The following GNG7 variants were observed in gnomAD, a reference collection of about 807,000 sequenced individuals.
GNG7 encodes the protein G protein subunit gamma 7.
A neutral mutation model predicts 4.0 loss-of-function variants in GNG7; 1 was observed. That is an observed-to-expected ratio of 0.25 (90% CI 0.09 to 1.18). The LOEUF is 1.18. GNG7 is among the 50% of genes most tolerant of loss of function. The probability of loss-of-function intolerance (pLI) is 0.50; values close to 1 mark genes in which losing one functional copy is unlikely to be tolerated. For synonymous variants in GNG7, 34 were observed against 36.9 expected (o/e 0.92, Z 0.29); for missense variants, 86 against 91.9 (o/e 0.94, Z 0.26).
In GNG7 at chr19:2,532,758, C is replaced by T. The variant is rs541854978; in HGVS notation, c.-37-12033G>A. ...GTCATCAAGAGAGACTGCCTCTCAA[C>T]CACTAGAGTGGCAAAAATTTAAAAG... On this transcript the variant is annotated intron_variant, in intron 3 of 4. Coordinates refer to ENST00000382159, the MANE Select transcript of GNG7 (RefSeq NM_052847.3). Among the ~76,000 whole-genome samples the T allele has an allele frequency of 3.9e-5, 6 of 152,234 alleles. No individual in the cohort carries two copies. In the South Asian group the frequency reaches 6.2e-4, roughly 16 times the overall value.
At chr19:2,526,898 T>G (rs934529881) in intron 3 of GNG7, among the ~76,000 whole-genome samples, 5 of 151,464 alleles carry the variant, frequency 3.3e-5, no homozygotes, top group African/African-American at 1.2e-4. Context: ...CAGGCTGGAG[T>G]GCAGTGGCAC....
chr19:2,549,293 GTT>G (rs11439149), intron 3 of GNG7, among the ~76,000 whole-genome samples: 1 of 144,620 alleles, frequency 6.9e-6, no homozygotes. Context: ...ACAGGGCTGT[GTT>G]TTTTTTTTTT....
At chr19:2,570,896 C>T (rs1456038196) in intron 2 of GNG7, among the ~76,000 whole-genome samples, 2 of 152,136 alleles carry the variant, frequency 1.3e-5, no homozygotes, top group Non-Finnish European at 2.9e-5. Flanking sequence ...CTCCTGAGCT[C>T]AACCGATCCT....
At chr19:2,567,387 C>T (rs1053504110) in intron 2 of GNG7, among the ~76,000 whole-genome samples, 2 of 146,276 alleles carry the variant, frequency 1.4e-5, no homozygotes, top group African/African-American at 5.3e-5. Context: ...GGCTGGAGTG[C>T]CCGTGGTGCA....
intron 1 of GNG7, among the ~76,000 whole-genome samples, chr19:2,675,193 C>T (rs940466814): frequency 7.2e-5 from 11 of 152,304 alleles, no homozygotes; most frequent in South Asian, 4.1e-4. Context: ...ATCACGTTCT[C>T]GGAGACGGAT....
chr19:2,651,317 C>T (rs1599442490), intron 1 of GNG7, among the ~76,000 whole-genome samples: 1 of 71,468 alleles, frequency 1.4e-5, no homozygotes, highest in Admixed American at 1.4e-4. Flanking sequence ...CTCCATCCCT[C>T]CCTCCCTCCC....
In GNG7 at chr19:2,592,814, AAGAGAGAG is replaced by A. The variant is rs144538545; in HGVS notation, c.-77-37634_-77-37627del. Among the ~76,000 whole-genome samples the A allele has an allele frequency of 6.4e-5, 7 of 109,522 alleles. 1 individual carries two copies. Among genetic ancestry groups the A allele is most frequent in the South Asian group, 7.0e-4 (2 of 2,870 alleles). The allele number at this position is 109,522 out of a possible 152,430, so 71.9% of individuals were successfully genotyped here. ...GAGGGAAGAGAGAAAGAAAGAAAGA[AAGAGAGAG>A]AGAGAGAGGGAGGGAGGGAGAGAGG... On this transcript the variant is annotated intron_variant, in intron 2 of 4. Transcript: ENST00000382159.
rs1981679260 is a variant in GNG7 at position 2,614,993 on chromosome 19, T to C, written c.-78+31231A>G. On this transcript the variant is annotated intron_variant, in intron 2 of 4. Coordinates refer to ENST00000382159, the MANE Select transcript of GNG7 (RefSeq NM_052847.3). The surrounding 1 kb of genome is among the most constrained non-coding windows in gnomAD (Gnocchi z 6.0). The stretch of plus-strand genomic sequence containing the variant: ...ATTGTTGAAGGTCACCCCGTAGCCA[T>C]TGGCAGAGCCAGAACTTGCAGCTGT... 1.3e-5 allele frequency among the ~76,000 whole-genome samples: 2 copies of C among 152,156 alleles called. No individual in the cohort carries two copies. The highest frequency in any genetic ancestry group is 2.4e-5 in the African/African-American group (1 of 41,438).
At chr19:2,542,032 C>G (rs1390108013) in intron 3 of GNG7, among the ~76,000 whole-genome samples, 1 of 151,758 alleles carries the variant, frequency 6.6e-6, no homozygotes, top group Non-Finnish European at 1.5e-5. Flanking sequence ...TGCAGGGCGG[C>G]CCTTCCAAAG....
In GNG7 at chr19:2,581,148, C is replaced by T. The variant is rs1393867887; in HGVS notation, c.-77-25960G>A. Among the ~76,000 whole-genome samples the T allele has an allele frequency of 3.9e-5, 6 of 152,060 alleles. No individual in the cohort carries two copies. In the East Asian group the frequency reaches 7.7e-4, roughly 20 times the overall value. On this transcript the variant is annotated intron_variant, in intron 2 of 4. Coordinates refer to ENST00000382159, the MANE Select transcript of GNG7 (RefSeq NM_052847.3). ...AGGCCTCAAGAAAGACTTCCATGAA[C>T]GCTGTGGGAAAATGCACTATGATGT...
Position 2,567,721 on chromosome 19 carries a change from G to A in GNG7, c.-77-12533C>T, listed in dbSNP as rs139232374. 3.0e-3 allele frequency among the ~76,000 whole-genome samples: 459 copies of A among 152,236 alleles called. 2 individuals carry two copies. Among genetic ancestry groups the A allele is most frequent in the African/African-American group, 0.01 (433 of 41,532 alleles). ...CTGGAGCCGGAGACTGGGCCACAGA[G>A]CCGAAAACAGCAACCCTCTGGCCCT... On this transcript the variant is annotated intron_variant, in intron 2 of 4. Coordinates refer to ENST00000382159, the MANE Select transcript of GNG7 (RefSeq NM_052847.3).
intron 2 of GNG7, among the ~76,000 whole-genome samples, chr19:2,561,858 G>A (rs1467885695): frequency 6.6e-6 from 1 of 152,054 alleles, no homozygotes; most frequent in Non-Finnish European, 1.5e-5. Flanking sequence ...TCCAGCCTGG[G>A]TGACAAGAGC....
rs1009714068 is a variant in GNG7, at chr19:2,546,822, C to T, written c.-38+8327G>A. Among the ~76,000 whole-genome samples the T allele has an allele frequency of 2.0e-5, 3 of 152,132 alleles. No homozygotes were observed. Among genetic ancestry groups the T allele is most frequent in the African/African-American group, 7.2e-5 (3 of 41,440 alleles). ...GGTCGGCGGGGGCGGGGGATGACCA[C>T]GGTCATGTGAGAGTTTGCAAGCCCG... On this transcript the variant is annotated intron_variant, in intron 3 of 4. Transcript: ENST00000382159. This position sits in a 1 kb window ranked among gnomAD's most constrained non-coding sequence, Gnocchi z 6.3.
Position 2,546,019 on chromosome 19 carries a change from C to T in GNG7, c.-38+9130G>A, listed in dbSNP as rs557364438. Among the ~76,000 whole-genome samples the T allele has an allele frequency of 2.6e-5, 4 of 152,260 alleles. No homozygotes were observed. In the South Asian group the frequency reaches 6.2e-4, roughly 24 times the overall value. ...AGAAAGGTGCACACAGCTTCCAGAG[C>T]GGACACAGGGCATCAGGGTGAGAAG... On this transcript the variant is annotated intron_variant, in intron 3 of 4. Coordinates refer to ENST00000382159, the MANE Select transcript of GNG7 (RefSeq NM_052847.3). The surrounding 1 kb of genome is among the most constrained non-coding windows in gnomAD (Gnocchi z 6.3).
Position 2,514,703 on chromosome 19 carries a change from C to T in GNG7, c.*319G>A, listed in dbSNP as rs929047718. ...ATCGAGAGTTTTAAAAAATTGTTAC[C>T]CCATCGCTGGGGGATTTCAGTTATT... On this transcript the variant is annotated 3_prime_UTR_variant, in exon 5 of 5. Transcript: ENST00000382159. 7.5e-5 allele frequency: 15 copies of T among 199,420 alleles called. No homozygotes were observed. The highest frequency in any genetic ancestry group is 3.3e-4 in the African/African-American group (14 of 42,840). 12.4% of individuals were successfully genotyped at this position (199,420 alleles called of 1,614,324 possible). A position where few individuals can be genotyped will look rare whatever the true frequency, so the allele number is the denominator to read the frequency against.
At chr19:2,612,557 A>G (rs374029581) in intron 2 of GNG7, among the ~76,000 whole-genome samples, 45 of 152,238 alleles carry the variant, frequency 3.0e-4, no homozygotes, top group African/African-American at 1.0e-3. Context: ...CCCCAGGTCC[A>G]GGGTTCCTGG....
At chr19:2,589,001 T>A (rs1410217388) in intron 2 of GNG7, among the ~76,000 whole-genome samples, 1 of 152,078 alleles carries the variant, frequency 6.6e-6, no homozygotes, top group African/African-American at 2.4e-5. Flanking sequence ...CGATCTTGGC[T>A]CACCACAACC....
chr19:2,609,136 C>CGGGAGG lies in GNG7; in HGVS notation c.-78+37087_-78+37088insCCTCCC, dbSNP rs1981484311. The stretch of plus-strand genomic sequence containing the variant: ...CTGCCTCTCAGGTTCAAGCAATCCT[C>CGGGAGG]CTGCCTTAGCCTCCCGAGTAGCTGG... On this transcript the variant is annotated intron_variant, in intron 2 of 4. Transcript: ENST00000382159. This position sits in a 1 kb window ranked among gnomAD's most constrained non-coding sequence, Gnocchi z 4.4. Among the ~76,000 whole-genome samples, 1 of 152,058 alleles carries CGGGAGG rather than the reference C, an allele frequency of 6.6e-6. No homozygotes were observed. The highest frequency in any genetic ancestry group is 2.4e-5 in the African/African-American group (1 of 41,396).
chr19:2,651,163 G>T (rs1474083057), intron 1 of GNG7, among the ~76,000 whole-genome samples: 1 of 152,104 alleles, frequency 6.6e-6, no homozygotes, highest in Non-Finnish European at 1.5e-5. Flanking sequence ...ACGAAGGGCT[G>T]CCACCGCCTC....
Sources: allele counts gnomAD v4.1 joint callset (sites outside exome capture counted in the v4.1 genomes callset), GRCh38; gene constraint gnomAD v4.1.1; non-coding constraint Gnocchi (gnomAD v3.1); transcripts MANE v1.5; gene names NCBI Gene and HGNC (gene_info 2026-07-23, HGNC 2026-07-21).